The following CNBD2 variants were observed in gnomAD, a reference collection of about 807,000 sequenced individuals.
CNBD2 encodes the protein cyclic nucleotide-binding domain-containing protein 2.
A neutral mutation model predicts 63.7 loss-of-function variants in CNBD2; 64 were observed. The observed-to-expected ratio is 1.00, with a 90% confidence interval of 0.82 to 1.24. CNBD2 has a LOEUF of 1.24. Among genes scored for constraint, CNBD2 ranks in the 50% most tolerant of loss-of-function variants. CNBD2 has a pLI of 0.00. For missense variants in CNBD2, 691 were observed against 713.5 expected (o/e 0.97, Z 0.36); for synonymous variants, 229 against 255.4 (o/e 0.90, Z 0.99).
intron 10 of CNBD2, among the ~76,000 whole-genome samples, chr20:36,016,655 G>A (rs561635845): frequency 1.3e-5 from 2 of 152,014 alleles, no homozygotes; most frequent in Admixed American, 1.3e-4. Context: ...CAGGTGTGGT[G>A]GCACACACCT....
chr20:35,968,975 A>G (rs1361602217), intron 1 of CNBD2, among the ~76,000 whole-genome samples, 162 bp downstream of exon 1: 1 of 152,152 alleles, frequency 6.6e-6, no homozygotes, highest in Non-Finnish European at 1.5e-5. Flanking sequence ...CCTGCCCTGT[A>G]GCCTACCAGC....
chr20:35,978,055 T>G (rs1004453804), intron 3 of CNBD2, among the ~76,000 whole-genome samples: 29 of 152,160 alleles, frequency 1.9e-4, no homozygotes, highest in African/African-American at 6.8e-4. Flanking sequence ...ACTCAATTAT[T>G]GCAGCAACTG....
At chr20:36,008,173 T>TA (rs2057009734) in intron 8 of CNBD2, 124 bp from the exon 9 acceptor site, 2 of 732,040 alleles carry the variant, frequency 2.7e-6, no homozygotes, top group Non-Finnish European at 4.4e-6. Flanking sequence ...CTTTTTTTTT[T>TA]AAAAAATTTC....
chr20:36,014,313 G>A (rs1339967158), intron 10 of CNBD2, among the ~76,000 whole-genome samples: 2 of 151,428 alleles, frequency 1.3e-5, no homozygotes, highest in Admixed American at 6.6e-5. Flanking sequence ...GATCTTGGTT[G>A]GTTTCTTTTC....
chr20:35,995,489 T>C (rs1480331083), intron 8 of CNBD2, among the ~76,000 whole-genome samples: 2 of 152,240 alleles, frequency 1.3e-5, no homozygotes, highest in Non-Finnish European at 2.9e-5. Flanking sequence ...TTGCCTGTGA[T>C]GGACTTTTCA....
intron 9 of CNBD2, 48 bp from the exon 10 acceptor site, chr20:36,011,089 A>T (rs2057052625): frequency 7.0e-7 from 1 of 1,436,380 alleles, no homozygotes; most frequent in Non-Finnish European, 9.2e-7. Flanking sequence ...GGGCCTCAGG[A>T]GCAGACTGTG....
intron 1 of CNBD2, 143 bp from the exon 2 acceptor site, chr20:35,972,486 A>T: frequency 1.3e-6 from 1 of 747,756 alleles, no homozygotes; most frequent in Non-Finnish European, 2.1e-6. Flanking sequence ...AAATTCCTGA[A>T]AATGTAACCA....
intron 8 of CNBD2, among the ~76,000 whole-genome samples, chr20:36,006,948 G>A (rs935377468): frequency 1.3e-5 from 2 of 152,054 alleles, no homozygotes; most frequent in African/African-American, 4.8e-5. Context: ...CTAGCACTCT[G>A]GGAGGCCGAG....
intron 10 of CNBD2, among the ~76,000 whole-genome samples, chr20:36,020,425 T>C (rs2057192507): frequency 6.6e-6 from 1 of 152,034 alleles, no homozygotes; most frequent in African/African-American, 2.4e-5. Flanking sequence ...ACCTGTAACA[T>C]GAGAATAAGA....
At chr20:36,014,182 CA>C (rs1398212585) in intron 10 of CNBD2, among the ~76,000 whole-genome samples, 211 of 94,740 alleles carry the variant, frequency 2.2e-3, no homozygotes, top group Non-Finnish European at 2.0e-3. Flanking sequence ...GACTCCATCT[CA>C]AAAAAAAAAA....
intron 7 of CNBD2, among the ~76,000 whole-genome samples, chr20:35,990,378 C>A (rs1172612822): frequency 6.6e-6 from 1 of 152,212 alleles, no homozygotes; most frequent in Non-Finnish European, 1.5e-5. Context: ...CACCTGTAAT[C>A]CTAGCACTTT....
chr20:36,001,340 G>A (rs532558311), intron 8 of CNBD2, among the ~76,000 whole-genome samples: 4,309 of 133,478 alleles, frequency 0.032, 369 homozygotes, highest in African/African-American at 0.13. Context: ...CTCACCTCCT[G>A]GGCGGGGCGG....
intron 2 of CNBD2, chr20:35,973,068 G>A: frequency 2.1e-6 from 1 of 485,730 alleles, no homozygotes; most frequent in Non-Finnish European, 3.6e-6. Context: ...CTCATGGCAG[G>A]GAAAGGTGGA....
At chr20:36,021,366 A>C (rs915729552) in intron 10 of CNBD2, among the ~76,000 whole-genome samples, 1 of 152,336 alleles carries the variant, frequency 6.6e-6, no homozygotes, top group South Asian at 2.1e-4. Context: ...GGATCTCATG[A>C]AGATAGGGAG....
At chr20:35,993,940 T>A (rs1334116355) in intron 7 of CNBD2, among the ~76,000 whole-genome samples, 2 of 149,712 alleles carry the variant, frequency 1.3e-5, no homozygotes, top group South Asian at 2.1e-4. Flanking sequence ...AATGGCATGA[T>A]CTTGGCTCAT....
chr20:36,026,638 A>G (rs1485622400), intron 11 of CNBD2, among the ~76,000 whole-genome samples: 1 of 152,086 alleles, frequency 6.6e-6, no homozygotes, highest in Non-Finnish European at 1.5e-5. Flanking sequence ...TAGATGCTGC[A>G]CATACCTTGC....
At chr20:35,954,593 T>C, upstream of CNBD2, 1 of 1,407,508 alleles carries the variant, frequency 7.1e-7, no homozygotes, top group Non-Finnish European at 9.5e-7. Context: ...AGGCGGCTGC[T>C]GCCCTCGCGG....
chr20:35,974,943 A>G (rs1183480657), intron 2 of CNBD2: 1 of 152,166 alleles, frequency 6.6e-6, no homozygotes, highest in East Asian at 1.9e-4. Context: ...GGCTCATTAA[A>G]GACATTTAAC....
At chr20:35,992,363 A>G (rs2056758787) in intron 7 of CNBD2, among the ~76,000 whole-genome samples, 1 of 152,210 alleles carries the variant, frequency 6.6e-6, no homozygotes, top group South Asian at 2.1e-4. Context: ...GCATCCAGAC[A>G]TGTAGGGTGC....
Sources: gnomAD v4.1 joint callset for allele counts (sites outside exome capture counted in the v4.1 genomes callset) on GRCh38, gnomAD v4.1.1 for gene constraint, MANE v1.5 for transcripts, NCBI Gene and HGNC (gene_info 2026-07-23, HGNC 2026-07-21) for gene names.